Variants in PGAP2 observed in about 807,000 individuals in gnomAD.
PGAP2 encodes acyltransferase PGAP2.
PGAP2 carries 21 observed loss-of-function variants against 33.2 expected under a neutral mutation model. That is an observed-to-expected ratio of 0.63 (90% confidence interval 0.45 to 0.91). The LOEUF (loss-of-function observed/expected upper bound fraction) is 0.91. Among genes scored for constraint, PGAP2 ranks in the 40% least tolerant of loss-of-function variants. The probability of loss-of-function intolerance (pLI) is 0.00; values close to 1 mark genes in which losing one functional copy is unlikely to be tolerated. For missense variants in PGAP2, 345 were observed against 424.0 expected (o/e 0.81, Z 1.64); for synonymous variants, 161 against 172.9 (o/e 0.93, Z 0.54).
intron 3 of PGAP2, among the ~76,000 whole-genome samples, chr11:3,820,626 C>G (rs2088340643): frequency 6.6e-6 from 1 of 151,950 alleles, no homozygotes; most frequent in Non-Finnish European, 1.5e-5. Flanking sequence ...CACCATTGCA[C>G]TCCAGCCTAG....
intron 3 of PGAP2, 128 bp from the exon 4 acceptor site, chr11:3,823,755 G>T (rs1269850506): frequency 7.5e-6 from 12 of 1,598,956 alleles, no homozygotes; most frequent in Non-Finnish European, 9.3e-6. Flanking sequence ...GGGGACATCT[G>T]AAGGAGGACT....
At chr11:3,821,479 TG>T (rs1484175707) in intron 3 of PGAP2, among the ~76,000 whole-genome samples, 2 of 152,310 alleles carry the variant, frequency 1.3e-5, no homozygotes, top group East Asian at 3.9e-4. Flanking sequence ...ATATTCTTGC[TG>T]GGGGTGGTGG....
At chr11:3,805,901 T>G (rs1413063314), upstream of PGAP2, among the ~76,000 whole-genome samples, 2 of 151,830 alleles carry the variant, frequency 1.3e-5, no homozygotes, top group Non-Finnish European at 2.9e-5. Context: ...TGGCTAGGAT[T>G]GTCTCGATCT....
intron 3 of PGAP2, among the ~76,000 whole-genome samples, chr11:3,822,164 A>G (rs530243274): frequency 6.6e-6 from 1 of 152,098 alleles, no homozygotes; most frequent in East Asian, 1.9e-4. Flanking sequence ...GGAGATTGAG[A>G]CCATCCTGGC....
At chr11:3,806,834 C>T (rs1412774520), upstream of PGAP2, among the ~76,000 whole-genome samples, 1 of 152,074 alleles carries the variant, frequency 6.6e-6, no homozygotes, top group Non-Finnish European at 1.5e-5. Context: ...CCAGCCTGAC[C>T]AATATGGCGA....
upstream of PGAP2, chr11:3,808,401 G>A (rs1263093930): frequency 5.8e-6 from 9 of 1,547,520 alleles, no homozygotes; most frequent in African/African-American, 1.4e-5. Flanking sequence ...CGAAATTAGT[G>A]GGGGCAGACC....
chr11:3,803,794 TA>T (rs1443566954), upstream of PGAP2, among the ~76,000 whole-genome samples: 1 of 74,206 alleles, frequency 1.3e-5, no homozygotes, highest in Non-Finnish European at 3.3e-5. Flanking sequence ...TATATATATA[TA>T]TATTTTTTTT....
intron 2 of PGAP2, among the ~76,000 whole-genome samples, chr11:3,814,789 TTTCTTTC>T (rs2086506027): frequency 9.0e-6 from 1 of 110,664 alleles, no homozygotes; most frequent in African/African-American, 2.7e-5. Flanking sequence ...TCTTTCTTTC[TTTCTTTC>T]TTTCTTTCTT....
Position 3,823,868 on chromosome 11 carries a change from G to T in PGAP2, c.349-15G>T. 6.2e-7 allele frequency: 1 copy of T among 1,600,748 alleles called. No individual in the cohort carries two copies. The highest frequency in any genetic ancestry group is 8.5e-7 in the Non-Finnish European group (1 of 1,179,432). On this transcript the variant is annotated splice_polypyrimidine_tract_variant and intron_variant, in intron 3 of 6. Transcript: ENST00000278243. The stretch of plus-strand genomic sequence containing the variant: ...CTGGCAGAGGCAGATGCCCAGACAG[G>T]TCACAACTCTCTAGGTGCCCAATTA...
At chr11:3,814,703 G>T (rs1056969913) in intron 2 of PGAP2, among the ~76,000 whole-genome samples, 11 of 151,172 alleles carry the variant, frequency 7.3e-5, no homozygotes, top group African/African-American at 2.2e-4. Context: ...TTGAGCCACT[G>T]TGCCTAGCCC....
At position 3,811,320 on chromosome 11, in the gene PGAP2, A is replaced by G. The variant is rs551501269; in HGVS notation, c.61A>G (p.Met21Val). The G allele has an allele frequency of 1.5e-5, 25 of 1,614,016 alleles. 1 individual carries two copies. The South Asian group carries it at 2.4e-4, about 16-fold the overall frequency. ...DGTLVRLRFT[M>V]VALVTVCCPL... ...GACCCTGGTACGGCTCCGCTTCACC[A>G]TGGTGGCCCTGGTCACGGTCTGCTG... The change falls in exon 2 of 7, where the codon ATG becomes GTG. Residue 21 changes from methionine (M) to valine (V), a missense_variant. Coordinates refer to ENST00000278243, the MANE Select transcript of PGAP2 (RefSeq NM_014489.4). The surrounding 1 kb of genome is among the most constrained non-coding windows in gnomAD (Gnocchi z 4.6).
intron 1 of PGAP2, among the ~76,000 whole-genome samples, chr11:3,801,641 C>CAAAAAAA (rs772606488): frequency 1.3e-5 from 1 of 76,762 alleles, no homozygotes; most frequent in East Asian, 4.5e-4. Context: ...GACTCCATCT[C>CAAAAAAA]AAAAAAAAAA....
intron 3 of PGAP2, among the ~76,000 whole-genome samples, chr11:3,819,513 A>G (rs143687176): frequency 3.1e-4 from 47 of 151,760 alleles, no homozygotes; most frequent in African/African-American, 1.1e-3. Context: ...GTAGCTAGAG[A>G]AGGCATCTAT....
upstream of PGAP2, chr11:3,797,739 A>C: frequency 1.5e-6 from 2 of 1,345,650 alleles, no homozygotes; most frequent in Admixed American, 2.6e-5. Context: ...TCGGGGAGGC[A>C]CAGGGTAGGA....
chr11:3,823,786 G>A (rs746384132), intron 3 of PGAP2, 97 bp from the exon 4 acceptor site: 15 of 1,598,806 alleles, frequency 9.4e-6, no homozygotes, highest in Non-Finnish European at 1.3e-5. Flanking sequence ...GGAGGGGCTG[G>A]AGCAGAGGCA....
In PGAP2 at chr11:3,811,684, C is replaced by T. The variant is rs145697302; in HGVS notation, c.165+260C>T. ...GTATAACAGAGTTTGACACATGTCC[C>T]ACCCCATTTACTTTGATATCCTAGA... is the stretch of plus-strand genomic sequence containing the variant. On this transcript the variant is annotated intron_variant, in intron 2 of 6. Coordinates refer to ENST00000278243, the MANE Select transcript of PGAP2 (RefSeq NM_014489.4). This position sits in a 1 kb window ranked among gnomAD's most constrained non-coding sequence, Gnocchi z 4.6. 4.9e-3 allele frequency among the ~76,000 whole-genome samples: 743 copies of T among 152,180 alleles called. 9 individuals carry two copies. The highest frequency in any genetic ancestry group is 0.017 in the African/African-American group (714 of 41,514).
intron 1 of PGAP2, chr11:3,798,088 G>C: frequency 6.7e-7 from 1 of 1,496,500 alleles, no homozygotes; most frequent in Non-Finnish European, 8.8e-7. Flanking sequence ...GAGCCTGAGG[G>C]CCCTCTTGGA....
intron 3 of PGAP2, chr11:3,817,754 T>C (rs1184427403): frequency 1.5e-6 from 1 of 684,272 alleles, no homozygotes; most frequent in Admixed American, 2.0e-5. Context: ...ATGATAGAAA[T>C]GCAAGGGAGA....
intron 5 of PGAP2, 57 bp downstream of exon 5, chr11:3,824,433 C>T (rs2089610744): frequency 9.3e-6 from 15 of 1,613,742 alleles, no homozygotes; most frequent in Non-Finnish European, 1.3e-5. Flanking sequence ...TCAAGGACAT[C>T]TGTCCTCAGG....
Sources: allele counts gnomAD v4.1 joint callset (sites outside exome capture counted in the v4.1 genomes callset), GRCh38; gene constraint gnomAD v4.1.1; non-coding constraint Gnocchi (gnomAD v3.1); transcripts MANE v1.5; gene names NCBI Gene and HGNC (gene_info 2026-07-23, HGNC 2026-07-21).